Variants in MAP2 observed in about 807,000 individuals in gnomAD.
MAP2 encodes the protein microtubule associated protein 2.
In MAP2, 14 loss-of-function variants were observed where a neutral mutation model predicts 137.6. That is an observed-to-expected ratio of 0.10 (90% CI 0.07 to 0.16). The LOEUF is 0.16. Ranked by LOEUF, MAP2 falls within the 10% of genes least tolerant of loss-of-function variation. MAP2 has a pLI of 1.00. For missense variants in MAP2, 2,088 were observed against 2,191.5 expected (o/e 0.95, Z 0.94); for synonymous variants, 786 against 782.3 (o/e 1.00, Z -0.08).
chr2:209,675,174 A>G (rs924652882), intron 5 of MAP2, among the ~76,000 whole-genome samples: 1 of 151,892 alleles, frequency 6.6e-6, no homozygotes, highest in East Asian at 1.9e-4. Flanking sequence ...TGCTAAAATA[A>G]TGTTTCTCAA....
At chr2:209,458,061 T>C (rs550558369) in intron 1 of MAP2, among the ~76,000 whole-genome samples, 1 of 152,288 alleles carries the variant, frequency 6.6e-6, no homozygotes, top group African/African-American at 2.4e-5. Flanking sequence ...ATTGGGATAA[T>C]ACAAATAAGT....
At chr2:209,609,338 A>G (rs937601556) in intron 3 of MAP2, among the ~76,000 whole-genome samples, 3 of 152,184 alleles carry the variant, frequency 2.0e-5, no homozygotes, top group Admixed American at 1.3e-4. Flanking sequence ...AATAATAGCT[A>G]TATTGAGTGA....
chr2:209,706,502 A>C (rs1161559868), intron 12 of MAP2, among the ~76,000 whole-genome samples: 2 of 151,954 alleles, frequency 1.3e-5, no homozygotes, highest in African/African-American at 4.8e-5. Flanking sequence ...TCTACTGATG[A>C]GAAAACTGAC....
At chr2:209,596,495 T>C (rs1218598573) in intron 3 of MAP2, among the ~76,000 whole-genome samples, 1 of 152,214 alleles carries the variant, frequency 6.6e-6, no homozygotes, top group Non-Finnish European at 1.5e-5. Flanking sequence ...TGTTAATGGA[T>C]CTAGTGACAT....
At chr2:209,664,530 C>A (rs909141743) in intron 5 of MAP2, among the ~76,000 whole-genome samples, 7 of 151,464 alleles carry the variant, frequency 4.6e-5, no homozygotes, top group African/African-American at 1.5e-4. Flanking sequence ...GCCTGGGCAA[C>A]AGAGTGAGAC....
intron 2 of MAP2, among the ~76,000 whole-genome samples, chr2:209,553,804 C>G (rs2069810505): frequency 6.6e-6 from 1 of 152,152 alleles, no homozygotes. Context: ...GAAGAAGCAT[C>G]TCTTAATTTC....
intron 2 of MAP2, among the ~76,000 whole-genome samples, chr2:209,527,895 A>G (rs950941987): frequency 1.3e-5 from 2 of 152,166 alleles, no homozygotes; most frequent in African/African-American, 4.8e-5. Flanking sequence ...GAAGACATAG[A>G]TTGCCTCCTG....
chr2:209,695,845 C>T lies in MAP2; in HGVS notation c.3675C>T (p.Ile1225=), dbSNP rs1392337437. 11 of 1,613,908 alleles carry T rather than the reference C, an allele frequency of 6.8e-6. No homozygotes were observed. Among genetic ancestry groups the T allele is most frequent in the Admixed American group, 3.3e-5 (2 of 59,996 alleles). ...TTGCAGAGCCATTGCATGAAACGAT[C>T]GTATCTGAACCAGCAGAGATTCAGA... The part of the protein sequence containing the change: ...SDVAEPLHET[I]VSEPAEIQSE... Residue 1225 remains isoleucine, a synonymous_variant, in exon 8 of 16, where the codon ATC becomes ATT. Coordinates refer to ENST00000682079, the MANE Select transcript of MAP2 (RefSeq NM_001375505.1).
chr2:209,519,190 G>T (rs960033933), intron 2 of MAP2, among the ~76,000 whole-genome samples: 2 of 152,016 alleles, frequency 1.3e-5, no homozygotes, highest in African/African-American at 4.8e-5. Context: ...AATCCACTAA[G>T]ATTATAAAAA....
At position 209,733,988 on chromosome 2, in the gene MAP2, G is replaced by C. The variant is rs2076124486; in HGVS notation, c.*3591G>C. 1 of 152,582 alleles carries C rather than the reference G, an allele frequency of 6.6e-6. No homozygotes were observed. The highest frequency in any genetic ancestry group is 1.5e-5 in the Non-Finnish European group (1 of 68,032). The allele number at this position is 152,582 out of a possible 1,614,324, so 9.5% of individuals were successfully genotyped here. ...CTTTCTTCTGATAATTCTAGAGCCT[G>C]TTACCATAGAAAGGCATTTCTTCAA... is the stretch of plus-strand genomic sequence containing the variant. On this transcript the variant is annotated 3_prime_UTR_variant, in exon 16 of 16. Transcript: ENST00000682079.
At chr2:209,639,003 CTTAT>C (rs1340675553) in intron 4 of MAP2, among the ~76,000 whole-genome samples, 6 of 152,070 alleles carry the variant, frequency 3.9e-5, no homozygotes, top group Admixed American at 3.3e-4. Context: ...AATCCATTAA[CTTAT>C]TTATTTTGCT....
intron 4 of MAP2, among the ~76,000 whole-genome samples, chr2:209,643,247 A>G (rs887953791): frequency 6.6e-6 from 1 of 152,126 alleles, no homozygotes; most frequent in Admixed American, 6.6e-5. Flanking sequence ...CCTTTTGCCA[A>G]TTTTTGAGAG....
chr2:209,614,603 T>A (rs796406290), intron 3 of MAP2, among the ~76,000 whole-genome samples: 4 of 152,310 alleles, frequency 2.6e-5, no homozygotes, highest in African/African-American at 7.2e-5. Context: ...GTTGATATAT[T>A]TTCTGAGCCA....
At chr2:209,561,118 G>A (rs1486639585) in intron 2 of MAP2, among the ~76,000 whole-genome samples, 1 of 152,166 alleles carries the variant, frequency 6.6e-6, no homozygotes, top group Non-Finnish European at 1.5e-5. Flanking sequence ...GAGACTCAAT[G>A]ATTTTACACG....
At position 209,613,727 on chromosome 2, in the gene MAP2, A is replaced by G. The variant is rs532889379; in HGVS notation, c.-106-11326A>G. Among the ~76,000 whole-genome samples the G allele has an allele frequency of 3.1e-4, 47 of 152,328 alleles. 1 individual carries two copies. The highest frequency in any genetic ancestry group is 1.0e-3 in the African/African-American group (43 of 41,588). On this transcript the variant is annotated intron_variant, in intron 3 of 15. Transcript: ENST00000682079. Reference sequence around the variant, plus strand: ...AGATAAAACATTTTGAAGTCTGTCAACTATTCATTGGCTTAACATAGCTCT... The same window carrying G: ...AGATAAAACATTTTGAAGTCTGTCAGCTATTCATTGGCTTAACATAGCTCT...
At chr2:209,710,550 T>G (rs1413073165) in intron 13 of MAP2, 2 of 271,428 alleles carry the variant, frequency 7.4e-6, no homozygotes, top group Non-Finnish European at 1.4e-5. Flanking sequence ...TTTTTTAACT[T>G]GAGATTAAAG....
intron 1 of MAP2, among the ~76,000 whole-genome samples, chr2:209,452,256 C>G (rs1299480602): frequency 6.6e-6 from 1 of 152,050 alleles, no homozygotes; most frequent in East Asian, 1.9e-4. Flanking sequence ...GAGGGTTGAC[C>G]TATATGCAAA....
At chr2:209,583,420 T>C (rs544523439) in intron 3 of MAP2, among the ~76,000 whole-genome samples, 77 of 152,122 alleles carry the variant, frequency 5.1e-4, no homozygotes, top group African/African-American at 1.7e-3. Context: ...TATAAGAAAA[T>C]TAGAGAATCC....
chr2:209,694,006 G>A lies in MAP2; in HGVS notation c.1836G>A (p.Met612Ile), dbSNP rs935522990. The stretch of plus-strand genomic sequence containing the variant: ...AGTCTATTGATACCATGTCTCCCAT[G>A]CATAAAAATGGTGACAAGGAGTTTC... The part of the protein sequence containing the change: ...VHESIDTMSP[M>I]HKNGDKEFQT... The change falls in exon 8 of 16, where the codon ATG becomes ATA. Residue 612 changes from methionine to isoleucine, a missense_variant. By Grantham distance (10) the Met-to-Ile change is conservative. This residue lies in a region of MAP2 where 859 missense variants were observed against 794.5 expected (regional missense o/e 1.08). Transcript: ENST00000682079. 1 of 1,613,936 alleles carries A rather than the reference G, an allele frequency of 6.2e-7. No individual in the cohort carries two copies. Among genetic ancestry groups the A allele is most frequent in the African/African-American group, 1.3e-5 (1 of 75,024 alleles).
Sources: gnomAD v4.1 joint callset for allele counts (sites outside exome capture counted in the v4.1 genomes callset) on GRCh38, gnomAD v4.1.1 for gene constraint, gnomAD v4.1.1 regional missense constraint, MANE v1.5 for transcripts, NCBI Gene and HGNC (gene_info 2026-07-23, HGNC 2026-07-21) for gene names.